BNC2: variants seen among roughly 807,000 people sequenced by gnomAD.
BNC2 encodes the protein zinc finger protein basonuclin-2.
A neutral mutation model predicts 76.3 loss-of-function variants in BNC2; 20 were observed. The observed-to-expected ratio is 0.26, with a 90% confidence interval of 0.18 to 0.38. The LOEUF (loss-of-function observed/expected upper bound fraction) is 0.38. Among genes scored for constraint, BNC2 ranks in the 10% least tolerant of loss-of-function variants. The pLI is 1.00. For missense variants in BNC2, 1,382 were observed against 1,399.8 expected (o/e 0.99, Z 0.20); for synonymous variants, 582 against 514.8 (o/e 1.13, Z -1.77).
intron 5 of BNC2, among the ~76,000 whole-genome samples, chr9:16,438,343 A>G (rs999116047): frequency 7.2e-5 from 11 of 152,230 alleles, no homozygotes; most frequent in African/African-American, 2.2e-4. Flanking sequence ...GACAGAATAA[A>G]TGTGTAAAAA....
At chr9:16,844,412 T>C (rs1015288949) in intron 1 of BNC2, among the ~76,000 whole-genome samples, 3 of 150,752 alleles carry the variant, frequency 2.0e-5, no homozygotes, top group Non-Finnish European at 4.4e-5. Context: ...AAAATCAACA[T>C]TCCTTTAAAA....
chr9:16,684,503 T>C (rs963415094), intron 3 of BNC2, among the ~76,000 whole-genome samples: 12 of 152,120 alleles, frequency 7.9e-5, no homozygotes, highest in Non-Finnish European at 1.3e-4. Flanking sequence ...TGAAACCTCC[T>C]CCTACCACCA....
At chr9:16,471,484 G>C (rs1399043053) in intron 5 of BNC2, among the ~76,000 whole-genome samples, 1 of 152,058 alleles carries the variant, frequency 6.6e-6, no homozygotes, top group African/African-American at 2.4e-5. Context: ...AGTAGAGACA[G>C]GGTTTCACTA....
intron 2 of BNC2, among the ~76,000 whole-genome samples, chr9:16,732,438 A>C (rs1824539427): frequency 6.6e-6 from 1 of 152,204 alleles, no homozygotes; most frequent in Non-Finnish European, 1.5e-5. Context: ...GAAAGCATAC[A>C]TTTACTGCAC....
chr9:16,781,461 G>A (rs139736769), intron 1 of BNC2, among the ~76,000 whole-genome samples: 13,600 of 152,218 alleles, frequency 0.089, 786 homozygotes, highest in Admixed American at 0.19. Context: ...TCCTGCCTCA[G>A]CCACCCGAGC....
rs538459094 is a variant in BNC2 at position 16,759,342 on chromosome 9, G to C, written c.4-20857C>G. ...TTTATTCAAGAACAGTATGTTTTCT[G>C]TATAGATATTAGAGAGGACTTTAAT... On this transcript the variant is annotated intron_variant, in intron 1 of 6. Transcript: ENST00000380672. Among the ~76,000 whole-genome samples, 8 of 152,290 alleles carry C rather than the reference G, an allele frequency of 5.3e-5. No homozygotes were observed. In the East Asian group the frequency reaches 1.3e-3, roughly 26 times the overall value.
intron 3 of BNC2, among the ~76,000 whole-genome samples, chr9:16,658,975 T>C (rs142923399): frequency 1.2e-3 from 177 of 152,286 alleles, no homozygotes; most frequent in African/African-American, 4.1e-3. Context: ...ACACAAACCA[T>C]TGATCATCGC....
intron 5 of BNC2, among the ~76,000 whole-genome samples, chr9:16,518,032 T>G (rs10962471): frequency 2.6e-4 from 40 of 152,010 alleles, no homozygotes; most frequent in Non-Finnish European, 1.0e-4. Flanking sequence ...ATCTTGAGAG[T>G]GAAATCTGGA....
intron 3 of BNC2, among the ~76,000 whole-genome samples, chr9:16,665,488 A>AAGAAAGAAAGAAAGAAAGAG (rs1370606458): frequency 1.5e-5 from 2 of 135,524 alleles, no homozygotes; most frequent in Admixed American, 7.2e-5. Flanking sequence ...GAAAGAAAGA[A>AAGAAAGAAAGAAAGAAAGAG]AGAGAGAGAG....
chr9:16,795,429 G>A (rs1253502210), intron 1 of BNC2, among the ~76,000 whole-genome samples: 2 of 150,680 alleles, frequency 1.3e-5, no homozygotes, highest in African/African-American at 4.9e-5. Context: ...TTGCAATACC[G>A]GAAACATTGG....
At chr9:16,785,506 T>A (rs1826264366) in intron 1 of BNC2, among the ~76,000 whole-genome samples, 1 of 150,780 alleles carries the variant, frequency 6.6e-6, no homozygotes. Flanking sequence ...GCAATTCTCC[T>A]GCCTCAGCCT....
At chr9:16,736,444 T>TA (rs1824671034) in intron 2 of BNC2, among the ~76,000 whole-genome samples, 1 of 149,270 alleles carries the variant, frequency 6.7e-6, no homozygotes, top group Admixed American at 6.6e-5. Context: ...ACAGAGACTA[T>TA]TTATTATTAT....
At chr9:16,776,755 G>A (rs768105188) in intron 1 of BNC2, among the ~76,000 whole-genome samples, 6 of 152,242 alleles carry the variant, frequency 3.9e-5, no homozygotes, top group Non-Finnish European at 7.3e-5. Flanking sequence ...TGGGCAACAC[G>A]AAGGAAACAA....
At chr9:16,634,968 G>C (rs1821280415) in intron 3 of BNC2, among the ~76,000 whole-genome samples, 1 of 152,006 alleles carries the variant, frequency 6.6e-6, no homozygotes, top group Non-Finnish European at 1.5e-5. Context: ...CTTGAATTCA[G>C]TGCCACTTGA....
At chr9:16,539,700 AAGGG>A (rs1818250131) in intron 5 of BNC2, among the ~76,000 whole-genome samples, 2 of 114,676 alleles carry the variant, frequency 1.7e-5, no homozygotes, top group Non-Finnish European at 1.7e-5. Flanking sequence ...GGGAGAAAGG[AAGGG>A]AGGAAGGAAG....
intron 3 of BNC2, among the ~76,000 whole-genome samples, chr9:16,620,867 T>C (rs184162310): frequency 6.6e-6 from 1 of 152,298 alleles, no homozygotes; most frequent in Admixed American, 6.5e-5. Context: ...CATCTGGTGA[T>C]ATGACTTATT....
In BNC2 at chr9:16,688,044, A is replaced by G. The variant is rs553859691; in HGVS notation, c.330+39753T>C. Among the ~76,000 whole-genome samples, 5 of 152,288 alleles carry G rather than the reference A, an allele frequency of 3.3e-5. No individual in the cohort carries two copies. The South Asian group carries it at 8.3e-4, about 25-fold the overall frequency. On this transcript the variant is annotated intron_variant, in intron 3 of 6. Coordinates refer to ENST00000380672, the MANE Select transcript of BNC2 (RefSeq NM_017637.6). ...GATTTCTGAGCAGAAAAATATATCC[A>G]TAAGAATCTTTGAAAGTTGACTCCC...
chr9:16,710,989 C>A (rs1400148691), intron 3 of BNC2, among the ~76,000 whole-genome samples: 1 of 152,126 alleles, frequency 6.6e-6, no homozygotes, highest in African/African-American at 2.4e-5. Flanking sequence ...AAACTGTTCG[C>A]GTGTCATGTG....
intron 6 of BNC2, among the ~76,000 whole-genome samples, chr9:16,419,966 A>G (rs913256933): frequency 6.6e-6 from 1 of 152,180 alleles, no homozygotes; most frequent in Non-Finnish European, 1.5e-5. Flanking sequence ...ACTATGTAGC[A>G]GCATCAGCTG....
Sources: allele counts gnomAD v4.1 joint callset (sites outside exome capture counted in the v4.1 genomes callset), GRCh38; gene constraint gnomAD v4.1.1; transcripts MANE v1.5; gene names NCBI Gene and HGNC (gene_info 2026-07-23, HGNC 2026-07-21).